Variants in SRP72 observed in about 807,000 individuals in gnomAD.
SRP72 encodes signal recognition particle subunit SRP72.
Under a neutral mutation model 96.3 loss-of-function variants are expected in SRP72, and 49 were observed. The observed-to-expected ratio is 0.51, with a 90% CI of 0.40 to 0.65. The LOEUF (loss-of-function observed/expected upper bound fraction) is 0.65. Ranked by LOEUF, SRP72 falls within the 30% of genes least tolerant of loss-of-function variation. The pLI is 0.00. For synonymous variants in SRP72, 267 were observed against 275.2 expected (o/e 0.97, Z 0.30); for missense variants, 736 against 793.3 (o/e 0.93, Z 0.87).
rs184604533 is a variant in SRP72, at chr4:56,497,499, G to A, written c.1678+2105G>A. Among the ~76,000 whole-genome samples, 518 of 152,114 alleles carry A rather than the reference G, an allele frequency of 3.4e-3. 5 individuals carry two copies. Among genetic ancestry groups the A allele is most frequent in the African/African-American group, 0.012 (479 of 41,504 alleles). On this transcript the variant is annotated intron_variant, in intron 17 of 18. Transcript: ENST00000642900. ...CTCCCAAAGTGCTGGGATTACAGGC[G>A]TGAGCCACTGCGCCCGGCCTGCACT...
chr4:56,498,699 C>T (rs1285790776), intron 17 of SRP72, among the ~76,000 whole-genome samples: 3 of 152,066 alleles, frequency 2.0e-5, no homozygotes, highest in African/African-American at 7.2e-5. Flanking sequence ...AATACCTAGG[C>T]ATACAACTAA....
chr4:56,474,206 C>A lies in SRP72; in HGVS notation c.498+9C>A, dbSNP rs572462425. On this transcript the variant is annotated intron_variant, in intron 4 of 18. Transcript: ENST00000642900. ...GGGAAAAAGTGGTTCCAGTGAGTATCCTTGTGGTGTACCCATACAGTCATG... is the reference window on the plus strand; with the variant it reads ...GGGAAAAAGTGGTTCCAGTGAGTATACTTGTGGTGTACCCATACAGTCATG... The A allele has an allele frequency of 1.7e-5, 27 of 1,614,046 alleles. 2 individuals are homozygous for A. In the East Asian group the frequency reaches 1.8e-4, roughly 11 times the overall value.
chr4:56,487,085 A>G (rs1720735517), intron 11 of SRP72, among the ~76,000 whole-genome samples: 1 of 152,206 alleles, frequency 6.6e-6, no homozygotes. Flanking sequence ...ATTGGACAGC[A>G]CAGATATAGG....
chr4:56,478,480 T>C lies in SRP72; in HGVS notation c.744T>C (p.Leu248=), dbSNP rs746327437. Residue 248 remains leucine (L), a synonymous_variant, in exon 7 of 19, where the codon CTT becomes CTC. Transcript: ENST00000642900. ...GTCGAACAGAGGAGGCTTTGCAACT[T>C]TACAATCAAATAATAAAACTAAAGT... ...LQGRTEEALQ[L]YNQIIKLKPT... 6.2e-7 allele frequency: 1 copy of C among 1,613,896 alleles called. No homozygotes were observed. Among genetic ancestry groups the C allele is most frequent in the Non-Finnish European group, 8.5e-7 (1 of 1,180,004 alleles).
chr4:56,469,845 T>C (rs1005689869), intron 2 of SRP72, 72 bp downstream of exon 2: 1 of 1,352,450 alleles, frequency 7.4e-7, no homozygotes, highest in Non-Finnish European at 9.8e-7. Flanking sequence ...TTCCATGTTT[T>C]TTCCCAACTA....
At position 56,484,800 on chromosome 4, in the gene SRP72, T is replaced by C; in HGVS notation, c.1022T>C (p.Val341Ala). The C allele has an allele frequency of 6.2e-7, 1 of 1,614,194 alleles. No homozygotes were observed. The highest frequency in any genetic ancestry group is 8.5e-7 in the Non-Finnish European group (1 of 1,180,040). Residue 341 changes from valine to alanine, a missense_variant, in exon 10 of 19, where the codon GTG becomes GCG. Around this residue, in one of 3 missense-constraint regions of SRP72, gnomAD observed 388 missense variants for 431.8 expected, o/e 0.90. Coordinates refer to ENST00000642900, the MANE Select transcript of SRP72 (RefSeq NM_006947.4). ...CAAAGTCCCGAGCATCTCTTACCTG[T>C]GTTAATCCAAGCTGCCCAGCTCTGC... The part of the protein sequence containing the change: ...QSQSPEHLLP[V>A]LIQAAQLCRE...
At chr4:56,490,473 T>C (rs1351874671) in intron 14 of SRP72, 37 bp downstream of exon 14, 4 of 1,605,408 alleles carry the variant, frequency 2.5e-6, no homozygotes, top group South Asian at 2.2e-5. Context: ...AAATAACACA[T>C]TTATTGTTGC....
At chr4:56,480,807 T>C (rs1185578751) in intron 8 of SRP72, among the ~76,000 whole-genome samples, 1 of 152,214 alleles carries the variant, frequency 6.6e-6, no homozygotes, top group Non-Finnish European at 1.5e-5. Context: ...GTATACTTTA[T>C]AACTATATAT....
intron 17 of SRP72, 78 bp downstream of exon 17, chr4:56,495,472 C>G: frequency 1.2e-6 from 1 of 864,446 alleles, no homozygotes; most frequent in South Asian, 1.8e-5. Context: ...AATATTTGGA[C>G]ATAAATATAC....
At chr4:56,473,897 C>T (rs1720089862) in intron 3 of SRP72, among the ~76,000 whole-genome samples, 157 bp from the exon 4 acceptor site, 1 of 152,166 alleles carries the variant, frequency 6.6e-6, no homozygotes, top group South Asian at 2.1e-4. Context: ...ATGACTAGTA[C>T]ATGGAACTAT....
intron 2 of SRP72, 62 bp downstream of exon 2, chr4:56,469,835 T>G: frequency 9.3e-6 from 13 of 1,404,426 alleles, no homozygotes; most frequent in Non-Finnish European, 1.2e-5. Flanking sequence ...CTATAATCTC[T>G]TCCATGTTTT....
intron 17 of SRP72, among the ~76,000 whole-genome samples, chr4:56,496,653 A>G (rs1204116135): frequency 6.6e-6 from 1 of 152,158 alleles, no homozygotes; most frequent in Non-Finnish European, 1.5e-5. Flanking sequence ...GTTATCTATC[A>G]TTATAGAGTG....
At position 56,478,448 on chromosome 4, in the gene SRP72, C is replaced by T. The variant is rs1720336319; in HGVS notation, c.712C>T (p.Leu238Phe). The T allele has an allele frequency of 1.9e-6, 3 of 1,613,804 alleles. No individual in the cohort carries two copies. Among genetic ancestry groups the T allele is most frequent in the Non-Finnish European group, 2.5e-6 (3 of 1,179,988 alleles). The change falls in exon 7 of 19, where the codon CTT becomes TTT. Residue 238 changes from leucine to phenylalanine, a missense_variant. By Grantham distance (22) the Leu-to-Phe change is conservative (BLOSUM62 0). Around this residue, in one of 3 missense-constraint regions of SRP72, gnomAD observed 329 missense variants for 319.0 expected, o/e 1.03. Transcript: ENST00000642900. ...IHGQMAYILQ[L>F]QGRTEEALQL... ...TGGTCAGATGGCTTATATTCTGCAG[C>T]TTCAGGGTCGAACAGAGGAGGCTTT...
intron 2 of SRP72, 92 bp from the exon 3 acceptor site, chr4:56,471,628 G>T: frequency 6.9e-7 from 1 of 1,444,026 alleles, no homozygotes; most frequent in Non-Finnish European, 9.3e-7. Context: ...CTGTTATCAG[G>T]ACTAAATCCA....
chr4:56,489,518 T>A, intron 13 of SRP72, 35 bp downstream of exon 13: 1 of 1,318,396 alleles, frequency 7.6e-7, no homozygotes, highest in African/African-American at 1.4e-5. Flanking sequence ...TGAGAGCATG[T>A]TTTTACATAA....
At position 56,483,141 on chromosome 4, in the gene SRP72, C is replaced by T. The variant is rs1720567232; in HGVS notation, c.828C>T (p.Asp276=). 2.5e-6 allele frequency: 4 copies of T among 1,608,864 alleles called. No homozygotes were observed. Among genetic ancestry groups the T allele is most frequent in the Middle Eastern group, 4.5e-4 (2 of 4,436 alleles). The change falls in exon 9 of 19, where the codon GAC becomes GAT. Residue 276 remains aspartate, a splice_region_variant and synonymous_variant. Coordinates refer to ENST00000642900, the MANE Select transcript of SRP72 (RefSeq NM_006947.4). The part of the protein sequence containing the change: ...IANNIITINK[D]QNVFDSKKKV... The stretch of plus-strand genomic sequence containing the variant: ...ATAGATAAACTTTTCTTTGTTAGGA[C>T]CAAAATGTCTTTGACTCCAAGAAGA...
chr4:56,483,520 C>T (rs1012018573), intron 9 of SRP72, among the ~76,000 whole-genome samples: 2 of 151,962 alleles, frequency 1.3e-5, no homozygotes, highest in Non-Finnish European at 2.9e-5. Flanking sequence ...CGAGACCAGC[C>T]TGAGCAACAT....
intron 3 of SRP72, 114 bp downstream of exon 3, chr4:56,471,957 C>T: frequency 7.9e-7 from 1 of 1,267,146 alleles, no homozygotes; most frequent in Non-Finnish European, 1.1e-6. Context: ...CAAAACTGAC[C>T]ACCAAACCAG....
At chr4:56,479,177 CTTTTT>C (rs1466157494) in intron 8 of SRP72, among the ~76,000 whole-genome samples, 10 of 151,582 alleles carry the variant, frequency 6.6e-5, no homozygotes, top group Non-Finnish European at 1.5e-4. Flanking sequence ...TAGGAACACT[CTTTTT>C]TGTTTTGTTT....
Sources: gnomAD v4.1 joint callset for allele counts (sites outside exome capture counted in the v4.1 genomes callset) on GRCh38, gnomAD v4.1.1 for gene constraint, gnomAD v4.1.1 regional missense constraint, MANE v1.5 for transcripts, NCBI Gene and HGNC (gene_info 2026-07-23, HGNC 2026-07-21) for gene names.